The following HCRTR2 variants were observed in gnomAD, a reference collection of about 807,000 sequenced individuals.
HCRTR2 encodes the protein hypocretin receptor 2.
In HCRTR2, 22 loss-of-function variants were observed where a neutral mutation model predicts 49.0. That is an observed-to-expected ratio of 0.45 (90% CI 0.32 to 0.64). The LOEUF is 0.64. HCRTR2 is among the 30% of genes least tolerant of loss of function. HCRTR2 has a pLI of 0.04. For synonymous variants in HCRTR2, 236 were observed against 205.3 expected (o/e 1.15, Z -1.28); for missense variants, 491 against 559.4 (o/e 0.88, Z 1.23).
At chr6:55,127,195 G>A (rs939328865) in intron 1 of HCRTR2, among the ~76,000 whole-genome samples, 1 of 152,134 alleles carries the variant, frequency 6.6e-6, no homozygotes, top group African/African-American at 2.4e-5. Context: ...CCAGGGCCCT[G>A]GTGGGGTAGG....
At chr6:55,201,275 T>C (rs57373882) in intron 1 of HCRTR2, among the ~76,000 whole-genome samples, 4,318 of 150,492 alleles carry the variant, frequency 0.029, 199 homozygotes, top group African/African-American at 0.1. Context: ...AGAATGTGCT[T>C]TTCTATCCAG....
intron 1 of HCRTR2, among the ~76,000 whole-genome samples, chr6:55,206,752 T>G (rs1765608867): frequency 6.6e-6 from 1 of 152,042 alleles, no homozygotes; most frequent in Non-Finnish European, 1.5e-5. Flanking sequence ...AGAAATATTT[T>G]TATCATTTAA....
chr6:55,162,275 C>G (rs1764817386), intron 1 of HCRTR2, among the ~76,000 whole-genome samples: 1 of 152,120 alleles, frequency 6.6e-6, no homozygotes, highest in African/African-American at 2.4e-5. Context: ...AGGCCTTCAA[C>G]AAAATTTAAC....
intron 1 of HCRTR2, among the ~76,000 whole-genome samples, chr6:55,141,065 C>T (rs1277068123): frequency 2.0e-5 from 3 of 151,822 alleles, no homozygotes; most frequent in Non-Finnish European, 2.9e-5. Context: ...CCGGGTGCGA[C>T]GGCTCATGCC....
At chr6:55,148,539 G>A (rs1270351523) in intron 1 of HCRTR2, among the ~76,000 whole-genome samples, 3 of 152,146 alleles carry the variant, frequency 2.0e-5, no homozygotes, top group Non-Finnish European at 4.4e-5. Flanking sequence ...AAACTTGAGT[G>A]TAAGAATTGT....
intron 1 of HCRTR2, among the ~76,000 whole-genome samples, chr6:55,165,508 C>T (rs909957299): frequency 4.0e-5 from 6 of 151,804 alleles, no homozygotes; most frequent in African/African-American, 1.2e-4. Flanking sequence ...AGAGCTAAAA[C>T]TATGAAACTC....
chr6:55,214,218 G>A (rs185754309), intron 1 of HCRTR2, among the ~76,000 whole-genome samples: 20 of 152,060 alleles, frequency 1.3e-4, no homozygotes, highest in Admixed American at 2.6e-4. Context: ...CAGATAAGAT[G>A]AATTTGCAAA....
chr6:55,258,274 A>G (rs1488785490), intron 3 of HCRTR2, among the ~76,000 whole-genome samples: 4 of 152,158 alleles, frequency 2.6e-5, no homozygotes, highest in Admixed American at 1.3e-4. Context: ...TTAAATCAAT[A>G]ATGTAGTTAT....
intron 1 of HCRTR2, among the ~76,000 whole-genome samples, chr6:55,204,696 C>A (rs1205813136): frequency 2.6e-5 from 4 of 152,096 alleles, no homozygotes; most frequent in Admixed American, 2.0e-4. Context: ...AGGATGTCAC[C>A]AAAGTTGTCC....
At chr6:55,183,955 T>A (rs532930260) in intron 1 of HCRTR2, among the ~76,000 whole-genome samples, 1 of 152,110 alleles carries the variant, frequency 6.6e-6, no homozygotes, top group South Asian at 2.1e-4. Flanking sequence ...TGAGATAAAG[T>A]CTCACTCTGT....
intron 1 of HCRTR2, among the ~76,000 whole-genome samples, chr6:55,139,043 T>C (rs2127251834): frequency 6.6e-6 from 1 of 152,250 alleles, no homozygotes; most frequent in Admixed American, 6.5e-5. Flanking sequence ...AACACAAATT[T>C]CATTTGTGTC....
chr6:55,117,271 A>T (rs1281526407), intron 1 of HCRTR2, among the ~76,000 whole-genome samples: 1 of 151,844 alleles, frequency 6.6e-6, no homozygotes, highest in East Asian at 1.9e-4. Context: ...CATTGCTCTG[A>T]TAAATTAAGT....
intron 4 of HCRTR2, among the ~76,000 whole-genome samples, chr6:55,264,966 AG>A (rs932498695): frequency 7.9e-5 from 12 of 152,234 alleles, no homozygotes; most frequent in Admixed American, 2.6e-4. Context: ...TGTTATTCAA[AG>A]CATTTTTCAA....
At chr6:55,107,554 A>G (rs1763992148) in intron 1 of HCRTR2, among the ~76,000 whole-genome samples, 1 of 151,980 alleles carries the variant, frequency 6.6e-6, no homozygotes, top group Admixed American at 6.6e-5. Context: ...TATACACTAT[A>G]GTTTCTCCTT....
chr6:55,135,032 T>C (rs1175308060), intron 1 of HCRTR2, among the ~76,000 whole-genome samples: 2 of 152,112 alleles, frequency 1.3e-5, no homozygotes, highest in African/African-American at 4.8e-5. Flanking sequence ...TCAACAAGGA[T>C]GAAGAAAGCT....
At chr6:55,248,613 C>A (rs3122169) in intron 1 of HCRTR2, 26 bp from the exon 2 acceptor site, 1,274,310 of 1,588,974 alleles carry the variant, frequency 0.8, 517,387 homozygotes, top group African/African-American at 0.94. Flanking sequence ...TTGTTGAGTG[C>A]CTATTCCTTT....
At chr6:55,131,675 T>C (rs960306504) in intron 1 of HCRTR2, among the ~76,000 whole-genome samples, 53 of 151,912 alleles carry the variant, frequency 3.5e-4, no homozygotes, top group African/African-American at 1.1e-3. Context: ...CAAAATTTCA[T>C]TGGAATAAGA....
intron 1 of HCRTR2, among the ~76,000 whole-genome samples, chr6:55,225,050 T>A (rs909914549): frequency 1.3e-5 from 2 of 152,194 alleles, no homozygotes; most frequent in African/African-American, 4.8e-5. Context: ...ATACATTTTT[T>A]AATTAGCTCC....
intron 1 of HCRTR2, among the ~76,000 whole-genome samples, chr6:55,143,431 T>A (rs2127254049): frequency 6.6e-6 from 1 of 152,196 alleles, no homozygotes; most frequent in East Asian, 1.9e-4. Context: ...GTCTTTGCCT[T>A]CCCTGCAAGA....
Sources: gnomAD v4.1 joint callset for allele counts (sites outside exome capture counted in the v4.1 genomes callset) on GRCh38, gnomAD v4.1.1 for gene constraint, MANE v1.5 for transcripts, NCBI Gene and HGNC (gene_info 2026-07-23, HGNC 2026-07-21) for gene names.